ZNF837: variants seen among roughly 807,000 people sequenced by gnomAD.
The protein encoded by ZNF837 is zinc finger protein 837.
For synonymous variants in ZNF837, 475 were observed against 365.2 expected (o/e 1.30, Z -3.43); for missense variants, 955 against 801.7 (o/e 1.19, Z -2.31).
intron 1 of ZNF837, among the ~76,000 whole-genome samples, chr19:58,371,671 G>C (rs949516252): frequency 1.3e-5 from 2 of 152,086 alleles, no homozygotes; most frequent in African/African-American, 4.8e-5. Flanking sequence ...TTCTCCTTTT[G>C]TCCTGTGTTC....
Position 58,368,002 on chromosome 19 carries a change from T to C in ZNF837, c.1331A>G (p.Glu444Gly). The C allele has an allele frequency of 1.3e-6, 2 of 1,532,832 alleles. No individual in the cohort carries two copies. Among genetic ancestry groups the C allele is most frequent in the Non-Finnish European group, 1.7e-6 (2 of 1,144,266 alleles). 95.0% of individuals were successfully genotyped at this position (1,532,832 alleles called of 1,614,324 possible). The change falls in exon 3 of 3, where the codon GAG becomes GGG. Residue 444 changes from glutamate to glycine, a missense_variant. Transcript: ENST00000597582. ...LVQHQRAHTG[E>G]RPYGCSECGK... is the part of the protein sequence containing the mutation. ...GCACTCGGAGCAGCCATAGGGCCGC[T>C]CGCCGGTGTGCGCGCGCTGGTGTTG...
chr19:58,380,006 C>T (rs1294709578), intron 1 of ZNF837, among the ~76,000 whole-genome samples: 1 of 130,052 alleles, frequency 7.7e-6, no homozygotes, highest in Non-Finnish European at 1.8e-5. Context: ...AAAACAACAA[C>T]AACAACAACA....
chr19:58,375,152 G>A (rs1300082471), intron 1 of ZNF837, among the ~76,000 whole-genome samples: 1 of 145,704 alleles, frequency 6.9e-6, no homozygotes, highest in African/African-American at 2.5e-5. Flanking sequence ...CCAGCTACTT[G>A]AGAGGCTGAG....
At chr19:58,379,997 AAACAACAAC>A (rs72009505) in intron 1 of ZNF837, among the ~76,000 whole-genome samples, 80 of 143,714 alleles carry the variant, frequency 5.6e-4, no homozygotes, top group African/African-American at 1.7e-3. Flanking sequence ...CTCCGTCTCA[AAACAACAAC>A]AACAACAACA....
intron 1 of ZNF837, among the ~76,000 whole-genome samples, chr19:58,376,377 C>A (rs957808141): frequency 6.6e-6 from 1 of 150,568 alleles, no homozygotes; most frequent in Admixed American, 6.6e-5. Flanking sequence ...ACGGTGAAAC[C>A]CCATCTCTAC....
intron 1 of ZNF837, among the ~76,000 whole-genome samples, chr19:58,370,553 G>C (rs565696724): frequency 1.3e-5 from 2 of 152,284 alleles, no homozygotes; most frequent in African/African-American, 4.8e-5. Context: ...ATACACACAC[G>C]TGCATATATA....
chr19:58,368,666 C>T lies in ZNF837; in HGVS notation c.667G>A (p.Glu223Lys), dbSNP rs1004202339. The change falls in exon 3 of 3, where the codon GAG (glutamate) becomes AAG (lysine). Residue 223 changes from glutamate to lysine, a missense_variant. Physicochemically the swap from Glu to Lys is moderately conservative, Grantham distance 56. Transcript: ENST00000597582. ...CCGCACCGGGCACACGGACGGGGCT[C>T]CTCCGTCGCCTGCAGCCTCTCCTGG... ...IPQERLQATE[E>K]PRPCARCGKR... 6.5e-6 allele frequency: 10 copies of T among 1,529,624 alleles called. No individual in the cohort carries two copies. The East Asian group carries it at 7.4e-5, about 11-fold the overall frequency. The allele number at this position is 1,529,624 out of a possible 1,614,324, so 94.8% of individuals were successfully genotyped here.
chr19:58,378,754 T>C (rs947897405), intron 1 of ZNF837, among the ~76,000 whole-genome samples: 2 of 152,224 alleles, frequency 1.3e-5, no homozygotes, highest in African/African-American at 2.4e-5. Flanking sequence ...TCACCCTGAA[T>C]AACCTGGGTG....
At chr19:58,376,917 TAA>T (rs34562043) in intron 1 of ZNF837, among the ~76,000 whole-genome samples, 176 of 138,816 alleles carry the variant, frequency 1.3e-3, no homozygotes, top group African/African-American at 1.5e-3. Flanking sequence ...CTGTCTCTAT[TAA>T]AAAAAAAAAA....
In ZNF837 at chr19:58,381,001, C is replaced by T. The variant is rs2052285959; in HGVS notation, c.-200G>A. The T allele has an allele frequency of 6.6e-6, 1 of 152,270 alleles. No homozygotes were observed. Among genetic ancestry groups the T allele is most frequent in the African/African-American group, 2.4e-5 (1 of 41,470 alleles). 9.4% of individuals were successfully genotyped at this position (152,270 alleles called of 1,614,324 possible). On this transcript the variant is annotated 5_prime_UTR_variant, in exon 1 of 3. Transcript: ENST00000597582. The stretch of plus-strand genomic sequence containing the variant: ...GCCCCGCATGCAGCGCGGAGCCGTC[C>T]TCCCGCCACCTCCGGGCCGCCGCGG...
At chr19:58,371,168 G>A (rs537438637) in intron 1 of ZNF837, among the ~76,000 whole-genome samples, 69 of 151,638 alleles carry the variant, frequency 4.6e-4, no homozygotes, top group Non-Finnish European at 8.1e-4. Context: ...GTGAACCCGG[G>A]AGGCGGAGCT....
chr19:58,375,801 C>T (rs528274497), intron 1 of ZNF837, among the ~76,000 whole-genome samples: 20 of 151,396 alleles, frequency 1.3e-4, no homozygotes, highest in Admixed American at 1.2e-3. Flanking sequence ...CACAGTGCTC[C>T]TTCCTGCAGC....
In ZNF837 at chr19:58,368,968, C is replaced by T. The variant is rs1232387300; in HGVS notation, c.365G>A (p.Gly122Glu). 6.5e-7 allele frequency: 1 copy of T among 1,535,266 alleles called. No individual in the cohort carries two copies. The change falls in exon 3 of 3, where the codon GGG becomes GAG. Residue 122 changes from glycine (G) to glutamate (E), a missense_variant. Physicochemically the swap from Gly to Glu is moderately conservative, Grantham distance 98. Coordinates refer to ENST00000597582, the MANE Select transcript of ZNF837 (RefSeq NM_138466.2). ...CAGGCAGGAGTTCCTGCTGCAGTCC[C>T]CGCCACGCGCTGGGCTCCTACAGGG... The part of the protein sequence containing the change: ...EGPCRSPARG[G>E]DCSRNSCLAW...
At chr19:58,369,471 G>T in intron 2 of ZNF837, 110 bp from the exon 3 acceptor site, 3 of 908,482 alleles carry the variant, frequency 3.3e-6, no homozygotes, top group Non-Finnish European at 4.4e-6. Flanking sequence ...GCGGCCCCCA[G>T]CTCTCTGCAG....
At chr19:58,370,514 T>C (rs2052190191) in intron 1 of ZNF837, among the ~76,000 whole-genome samples, 1 of 152,192 alleles carries the variant, frequency 6.6e-6, no homozygotes, top group Non-Finnish European at 1.5e-5. Flanking sequence ...GGGGCCATTA[T>C]TCTGCTTACA....
intron 1 of ZNF837, among the ~76,000 whole-genome samples, chr19:58,375,269 A>AT (rs1568568288): frequency 5.0e-4 from 10 of 19,918 alleles, no homozygotes; most frequent in African/African-American, 4.5e-3. Context: ...AAAAAAAAAA[A>AT]GTATATATAT....
intron 1 of ZNF837, among the ~76,000 whole-genome samples, chr19:58,378,614 G>T (rs1475298948): frequency 6.6e-6 from 1 of 152,200 alleles, no homozygotes; most frequent in African/African-American, 2.4e-5. Flanking sequence ...GGGCACATGA[G>T]GTCACCCAGG....
At chr19:58,376,479 C>T (rs1463893678) in intron 1 of ZNF837, among the ~76,000 whole-genome samples, 14 of 132,648 alleles carry the variant, frequency 1.1e-4, no homozygotes, top group Non-Finnish European at 1.9e-4. Flanking sequence ...GGCTTGAACC[C>T]GGGAGGCAGA....
chr19:58,367,824 G>T lies in ZNF837; in HGVS notation c.1509C>A (p.Tyr503Ter), dbSNP rs2148013364. ...HLRTHTGERP[Y>*]ACGDCGRAFS... is the part of the protein sequence containing the mutation. ...AGGCGCGGCCGCAATCTCCGCACGCGTAGGGCCGCTCGCCCGTGTGCGTGC... is the reference window on the plus strand; with the variant it reads ...AGGCGCGGCCGCAATCTCCGCACGCTTAGGGCCGCTCGCCCGTGTGCGTGC... Residue 503 changes from tyrosine (Y) to a stop codon, truncating the protein, a stop_gained, in exon 3 of 3, where the codon TAC becomes TAA. Coordinates refer to ENST00000597582, the MANE Select transcript of ZNF837 (RefSeq NM_138466.2). LOFTEE classifies it low-confidence loss of function (END_TRUNC). 1.3e-6 allele frequency: 2 copies of T among 1,536,306 alleles called. No individual in the cohort carries two copies. The highest frequency in any genetic ancestry group is 1.4e-5 in the African/African-American group (1 of 73,018).
Sources: allele counts gnomAD v4.1 joint callset (sites outside exome capture counted in the v4.1 genomes callset), GRCh38; gene constraint gnomAD v4.1.1; transcripts MANE v1.5; gene names NCBI Gene and HGNC (gene_info 2026-07-23, HGNC 2026-07-21).